Variants in GSAP observed in about 807,000 individuals in gnomAD.
GSAP encodes gamma-secretase activating protein, also known as gamma-secretase-activating protein.
GSAP carries 118 observed loss-of-function variants against 131.7 expected under a neutral mutation model. The observed-to-expected ratio is 0.90, with a 90% CI of 0.77 to 1.04. The LOEUF (loss-of-function observed/expected upper bound fraction) is 1.04, where lower values mean the gene tolerates loss of function less well. GSAP is among the 50% of genes least tolerant of loss of function. GSAP has a pLI of 0.00. For missense variants in GSAP, 1,019 were observed against 1,013.2 expected (o/e 1.01, Z -0.08); for synonymous variants, 381 against 363.4 (o/e 1.05, Z -0.55).
Position 77,376,852 on chromosome 7 carries a change from A to T in GSAP, c.737T>A (p.Leu246Ter). 1 of 1,431,254 alleles carries T rather than the reference A, an allele frequency of 7.0e-7. No individual in the cohort carries two copies. Among genetic ancestry groups the T allele is most frequent in the Non-Finnish European group, 9.7e-7 (1 of 1,035,842 alleles). 88.7% of individuals were successfully genotyped at this position (1,431,254 alleles called of 1,614,324 possible). A position where few individuals can be genotyped will look rare whatever the true frequency, so the allele number is the denominator to read the frequency against. ...IQFYADESYN[L>*]MFEVPLDISL... ...GTGATCATTTTCTGGACTTACCATT[A>T]AGTTATAGCTCTCATCAGCATAAAA... Residue 246 changes from leucine (L) to a stop codon, truncating the protein, a stop_gained, in exon 10 of 31, where the codon TTA (leucine) becomes TAA (stop). Coordinates refer to ENST00000257626, the MANE Select transcript of GSAP (RefSeq NM_017439.4). LOFTEE classifies it high-confidence loss of function.
intron 19 of GSAP, among the ~76,000 whole-genome samples, chr7:77,340,617 A>G (rs1236573339): frequency 1.3e-5 from 2 of 152,190 alleles, no homozygotes; most frequent in Non-Finnish European, 2.9e-5. Context: ...GACAAAGAAG[A>G]CACATTTTAT....
At chr7:77,348,901 G>A (rs1792307413) in intron 19 of GSAP, among the ~76,000 whole-genome samples, 2 of 152,154 alleles carry the variant, frequency 1.3e-5, no homozygotes, top group African/African-American at 4.8e-5. Flanking sequence ...GATAATCCTA[G>A]CCCACATTAC....
intron 9 of GSAP, 77 bp from the exon 10 acceptor site, chr7:77,376,984 C>T (rs1322073236): frequency 7.7e-6 from 6 of 775,740 alleles, no homozygotes; most frequent in Non-Finnish European, 1.3e-5. Flanking sequence ...CAAAACTTCA[C>T]TATTTCCATC....
rs567563290 is a variant in GSAP at position 77,349,416 on chromosome 7, A to T, written c.1492-12T>A. ...ATTCCAGGAATTTCCTATAGTGGGG[A>T]AAAACACACACACACAGCTGCTCAG... On this transcript the variant is annotated splice_polypyrimidine_tract_variant and intron_variant, in intron 18 of 30. Coordinates refer to ENST00000257626, the MANE Select transcript of GSAP (RefSeq NM_017439.4). 6.2e-7 allele frequency: 1 copy of T among 1,607,830 alleles called. No individual in the cohort carries two copies. The highest frequency in any genetic ancestry group is 1.3e-5 in the African/African-American group (1 of 74,916).
intron 24 of GSAP, 61 bp downstream of exon 24, chr7:77,323,586 T>C: frequency 1.3e-6 from 1 of 780,990 alleles, no homozygotes; most frequent in Non-Finnish European, 2.1e-6. Context: ...CACCACATTT[T>C]CAGAACTATA....
chr7:77,353,054 G>T, intron 17 of GSAP, 28 bp from the exon 18 acceptor site: 1 of 1,226,790 alleles, frequency 8.2e-7, no homozygotes, highest in Non-Finnish European at 1.2e-6. Context: ...GAAACAGGGG[G>T]AAAAAAGATG....
At chr7:77,377,261 A>AAAAAAAAAAAAAT in intron 9 of GSAP, 25 bp downstream of exon 9, 1 of 1,156,432 alleles carries the variant, frequency 8.6e-7, no homozygotes, top group Non-Finnish European at 1.2e-6. Flanking sequence ...AAAAAAAAGG[A>AAAAAAAAAAAAAT]GTGCCCGTGA....
At chr7:77,414,551 T>C (rs1044923737) in intron 1 of GSAP, among the ~76,000 whole-genome samples, 4 of 152,208 alleles carry the variant, frequency 2.6e-5, no homozygotes, top group African/African-American at 9.7e-5. Flanking sequence ...CCTAGAGCTA[T>C]CTGTTGTTTA....
chr7:77,371,434 T>TTC (rs1233873977), intron 12 of GSAP, among the ~76,000 whole-genome samples: 30 of 8,112 alleles, frequency 3.7e-3, no homozygotes, highest in African/African-American at 0.017. Context: ...CTTTTTTCTT[T>TTC]TTTTTTTTTT....
At position 77,310,801 on chromosome 7, in the gene GSAP, T is replaced by C. The variant is rs1338149466; in HGVS notation, c.*557A>G. 1 of 151,436 alleles carries C rather than the reference T, an allele frequency of 6.6e-6. No individual in the cohort carries two copies. The highest frequency in any genetic ancestry group is 1.5e-5 in the Non-Finnish European group (1 of 67,724). 9.4% of individuals were successfully genotyped at this position (151,436 alleles called of 1,614,324 possible). On this transcript the variant is annotated 3_prime_UTR_variant, in exon 31 of 31. Coordinates refer to ENST00000257626, the MANE Select transcript of GSAP (RefSeq NM_017439.4). ...GACAAAATATTCCTAAATCAACCTT[T>C]TATAAATAAAAAAAAATAAATATGT...
chr7:77,381,376 A>T, intron 7 of GSAP, 22 bp from the exon 8 acceptor site: 1 of 1,341,918 alleles, frequency 7.5e-7, no homozygotes, highest in Non-Finnish European at 1.0e-6. Context: ...AAACAAAGAA[A>T]GATAATTTAA....
chr7:77,330,768 A>G (rs958416790), intron 19 of GSAP: 1 of 985,886 alleles, frequency 1.0e-6, no homozygotes, highest in Non-Finnish European at 1.2e-6. Context: ...TCACTAAGAG[A>G]AAGTTCATTA....
intron 23 of GSAP, among the ~76,000 whole-genome samples, chr7:77,325,681 C>CT (rs1262225271): frequency 6.6e-6 from 1 of 152,202 alleles, no homozygotes; most frequent in Non-Finnish European, 1.5e-5. Context: ...AGCGATTCTC[C>CT]TGCCTCAGCC....
intron 2 of GSAP, among the ~76,000 whole-genome samples, chr7:77,404,952 A>G (rs536860742): frequency 5.3e-5 from 8 of 152,376 alleles, no homozygotes; most frequent in African/African-American, 1.7e-4. Flanking sequence ...TAACATTCTT[A>G]TAAGTAAAAC....
chr7:77,380,386 A>G (rs1797616698), intron 8 of GSAP, among the ~76,000 whole-genome samples: 1 of 152,236 alleles, frequency 6.6e-6, no homozygotes. Context: ...CCCATCGAAC[A>G]ATCCATCCCT....
intron 1 of GSAP, among the ~76,000 whole-genome samples, chr7:77,409,714 G>A (rs566242855): frequency 2.0e-5 from 3 of 152,266 alleles, no homozygotes; most frequent in South Asian, 2.1e-4. Flanking sequence ...AGGAGAGATC[G>A]TCGCAAAAGT....
chr7:77,354,217 C>G (rs1339602386), intron 16 of GSAP, among the ~76,000 whole-genome samples: 1 of 152,218 alleles, frequency 6.6e-6, no homozygotes, highest in Non-Finnish European at 1.5e-5. Flanking sequence ...ATGGTGCACA[C>G]TTGCACTTCT....
At chr7:77,390,996 G>A (rs978946047) in intron 5 of GSAP, among the ~76,000 whole-genome samples, 1 of 140,194 alleles carries the variant, frequency 7.1e-6, no homozygotes, top group South Asian at 2.2e-4. Context: ...AGCCGGGTGT[G>A]GTGGCACTCA....
intron 12 of GSAP, among the ~76,000 whole-genome samples, chr7:77,369,170 C>G (rs1197802041): frequency 6.6e-6 from 1 of 152,218 alleles, no homozygotes; most frequent in Non-Finnish European, 1.5e-5. Context: ...ACTCACTACC[C>G]TCCCAGTAGG....
Sources: gnomAD v4.1 joint callset for allele counts (sites outside exome capture counted in the v4.1 genomes callset) on GRCh38, gnomAD v4.1.1 for gene constraint, MANE v1.5 for transcripts, NCBI Gene and HGNC (gene_info 2026-07-23, HGNC 2026-07-21) for gene names.